The following NMT2 variants were observed in gnomAD, a reference collection of about 807,000 sequenced individuals.
The protein encoded by NMT2 is glycylpeptide N-tetradecanoyltransferase 2.
A neutral mutation model predicts 65.4 loss-of-function variants in NMT2; 35 were observed. The observed-to-expected ratio is 0.54, with a 90% CI of 0.41 to 0.71. The LOEUF (loss-of-function observed/expected upper bound fraction) is 0.71, where lower values mean the gene tolerates loss of function less well. Ranked by LOEUF, NMT2 falls within the 30% of genes least tolerant of loss-of-function variation. The probability of loss-of-function intolerance (pLI) is 0.00; values close to 1 mark genes in which losing one functional copy is unlikely to be tolerated. For synonymous variants in NMT2, 226 were observed against 231.8 expected (o/e 0.98, Z 0.23); for missense variants, 489 against 611.3 (o/e 0.80, Z 2.11).
At chr10:15,110,252 G>A (rs574510506) in intron 10 of NMT2, among the ~76,000 whole-genome samples, 3 of 152,058 alleles carry the variant, frequency 2.0e-5, no homozygotes, top group Non-Finnish European at 2.9e-5. Context: ...CAGCCTGAGC[G>A]ACAGAGTGAG....
intron 1 of NMT2, among the ~76,000 whole-genome samples, chr10:15,160,950 C>T (rs998748505): frequency 4.0e-5 from 6 of 151,320 alleles, no homozygotes; most frequent in African/African-American, 1.5e-4. Context: ...CAGCATCTGG[C>T]CAGGCACAGT....
intron 1 of NMT2, among the ~76,000 whole-genome samples, chr10:15,167,729 CG>C (rs1025876623): frequency 3.9e-5 from 6 of 152,186 alleles, no homozygotes; most frequent in African/African-American, 1.4e-4. Context: ...CTGCAGGGTT[CG>C]GGGGCAAAGG....
At chr10:15,113,463 CAAAAAAAAAA>C (rs1169255963) in intron 9 of NMT2, among the ~76,000 whole-genome samples, 8 of 37,002 alleles carry the variant, frequency 2.2e-4, no homozygotes, top group African/African-American at 7.4e-4. Context: ...GGATGAGACT[CAAAAAAAAAA>C]AAAAAAAAAA....
At chr10:15,111,936 C>T (rs1235918410) in intron 10 of NMT2, 1 of 151,568 alleles carries the variant, frequency 6.6e-6, no homozygotes, top group Non-Finnish European at 1.5e-5. Context: ...GCCTCAGCCT[C>T]CCGAGTAGCT....
chr10:15,124,139 GCT>G (rs1348251001), intron 8 of NMT2, among the ~76,000 whole-genome samples: 2 of 152,114 alleles, frequency 1.3e-5, no homozygotes, highest in African/African-American at 4.8e-5. Context: ...TCTGACTTCT[GCT>G]TTTTATCAAC....
rs1588457997 is a variant in NMT2, at chr10:15,157,774, C to G, written c.110+10729G>C. On this transcript the variant is annotated intron_variant, in intron 1 of 11. Coordinates refer to ENST00000378165, the MANE Select transcript of NMT2 (RefSeq NM_004808.3). Reference sequence around the variant, plus strand: ...AAAATTAATTCATTGACCCATTACACTGGTGAATTTTGGCTCCAAAGGTGT... The same window carrying G: ...AAAATTAATTCATTGACCCATTACAGTGGTGAATTTTGGCTCCAAAGGTGT... 2.0e-5 allele frequency among the ~76,000 whole-genome samples: 3 copies of G among 152,154 alleles called. No homozygotes were observed. The East Asian group carries it at 5.8e-4, about 29-fold the overall frequency.
At chr10:15,154,670 G>A (rs2131612996) in intron 1 of NMT2, 1 of 431,226 alleles carries the variant, frequency 2.3e-6, no homozygotes, top group Non-Finnish European at 4.4e-6. Context: ...AGGAAAACAT[G>A]GAACCCAAAG....
chr10:15,120,549 C>T (rs1290120608), intron 8 of NMT2, among the ~76,000 whole-genome samples: 4 of 152,012 alleles, frequency 2.6e-5, no homozygotes, highest in Non-Finnish European at 5.9e-5. Context: ...ACTTGAGCAC[C>T]CAAGGATTCT....
At chr10:15,139,881 A>C (rs1589333235) in intron 2 of NMT2, 1 of 68,226 alleles carries the variant, frequency 1.5e-5, no homozygotes, top group Non-Finnish European at 2.6e-5. Context: ...ATATATATAT[A>C]TATATATATA....
At chr10:15,155,274 G>A in intron 1 of NMT2, 1 of 1,433,840 alleles carries the variant, frequency 7.0e-7, no homozygotes, top group Non-Finnish European at 9.8e-7. Flanking sequence ...GTGCCCCAAG[G>A]CCTCGCTGTT....
intron 6 of NMT2, 65 bp from the exon 7 acceptor site, chr10:15,130,377 T>A: frequency 5.0e-6 from 6 of 1,210,198 alleles, no homozygotes; most frequent in Non-Finnish European, 6.7e-6. Flanking sequence ...GTCAACACAT[T>A]TTAAAAAATA....
chr10:15,127,905 A>C (rs1459529640), intron 8 of NMT2, among the ~76,000 whole-genome samples: 1 of 152,110 alleles, frequency 6.6e-6, no homozygotes, highest in African/African-American at 2.4e-5. Flanking sequence ...CTCCAAAAAA[A>C]AAAAAAATGA....
At chr10:15,117,919 T>G (rs981053754) in intron 9 of NMT2, among the ~76,000 whole-genome samples, 1 of 152,240 alleles carries the variant, frequency 6.6e-6, no homozygotes, top group Non-Finnish European at 1.5e-5. Context: ...GTTCATGGAC[T>G]GGAAGACTTT....
At chr10:15,152,800 T>C (rs1006201926) in intron 1 of NMT2, among the ~76,000 whole-genome samples, 14 of 152,206 alleles carry the variant, frequency 9.2e-5, no homozygotes, top group Admixed American at 6.5e-4. Context: ...GTTCCTGGTT[T>C]AAAACTCATC....
intron 1 of NMT2, among the ~76,000 whole-genome samples, chr10:15,167,088 T>C (rs988919142): frequency 6.6e-6 from 1 of 152,198 alleles, no homozygotes; most frequent in Non-Finnish European, 1.5e-5. Context: ...TTCAAAAACA[T>C]ATTTGTATTT....
chr10:15,132,839 C>T lies in NMT2; in HGVS notation c.697G>A (p.Ala233Thr). 6.2e-7 allele frequency: 1 copy of T among 1,612,406 alleles called. No homozygotes were observed. The highest frequency in any genetic ancestry group is 1.3e-5 in the African/African-American group (1 of 74,950). The change falls in exon 6 of 12, where the codon GCA (alanine) becomes ACA (threonine). Residue 233 changes from alanine to threonine, a missense_variant. Ala to Thr is a moderately conservative substitution (Grantham distance 58). Coordinates refer to ENST00000378165, the MANE Select transcript of NMT2 (RefSeq NM_004808.3). ...KLVGFISAIP[A>T]NIRIYDSVKK... is the part of the protein sequence containing the mutation. ...TACCTGTCATAAATCCGAATGTTTG[C>T]TGGGATGGCACTTATGAACCCGACC...
rs1289496737 is a variant in NMT2 at position 15,132,790 on chromosome 10, A to G, written c.719+27T>C. 5 of 1,473,628 alleles carry G rather than the reference A, an allele frequency of 3.4e-6. No individual in the cohort carries two copies. In the Admixed American group the frequency reaches 9.7e-5, roughly 28 times the overall value. The allele number at this position is 1,473,628 out of a possible 1,614,324, so 91.3% of individuals were successfully genotyped here. On this transcript the variant is annotated intron_variant, in intron 6 of 11. Coordinates refer to ENST00000378165, the MANE Select transcript of NMT2 (RefSeq NM_004808.3). ...ATTCTTAGAAAATAAACATATAAAAACCGCATGGACGAGCTTAAACATGTA... is the reference window on the plus strand; with the variant it reads ...ATTCTTAGAAAATAAACATATAAAAGCCGCATGGACGAGCTTAAACATGTA...
chr10:15,149,770 G>C (rs1485614112), intron 1 of NMT2, among the ~76,000 whole-genome samples: 1 of 152,030 alleles, frequency 6.6e-6, no homozygotes, highest in East Asian at 1.9e-4. Flanking sequence ...GAAATAGAGA[G>C]AGCTTAAGTA....
At position 15,107,309 on chromosome 10, in the gene NMT2, G is replaced by A; in HGVS notation, c.*1886C>T. 2.1e-6 allele frequency: 2 copies of A among 974,312 alleles called. No homozygotes were observed. Among genetic ancestry groups the A allele is most frequent in the Non-Finnish European group, 2.4e-6 (2 of 819,764 alleles). The allele number at this position is 974,312 out of a possible 1,614,324, so 60.4% of individuals were successfully genotyped here. A position where few individuals can be genotyped will look rare whatever the true frequency, so the allele number is the denominator to read the frequency against. On this transcript the variant is annotated 3_prime_UTR_variant, in exon 12 of 12. Transcript: ENST00000378165. ...AGCAATGGGCTGGATTTAGCCCACA[G>A]GCCATAGTTTGGTGGCCCCTGCCTG...
Sources: gnomAD v4.1 joint callset for allele counts (sites outside exome capture counted in the v4.1 genomes callset) on GRCh38, gnomAD v4.1.1 for gene constraint, MANE v1.5 for transcripts, NCBI Gene and HGNC (gene_info 2026-07-23, HGNC 2026-07-21) for gene names.